ADGRV1: variants seen among roughly 807,000 people sequenced by gnomAD.
ADGRV1 encodes the protein G-protein coupled receptor 98.
In ADGRV1, 359 loss-of-function variants were observed where a neutral mutation model predicts 596.2. That is an observed-to-expected ratio of 0.60 (90% confidence interval 0.55 to 0.66). The LOEUF (loss-of-function observed/expected upper bound fraction) is 0.66. Ranked by LOEUF, ADGRV1 falls within the 30% of genes least tolerant of loss-of-function variation. The pLI is 0.00. For missense variants in ADGRV1, 7,274 were observed against 7,575.6 expected, an observed-to-expected ratio of 0.96 and a Z score of 1.48; for synonymous variants, 2,681 against 2,679.2, an observed-to-expected ratio of 1.00 and a Z score of -0.02.
In ADGRV1 at chr5:90,788,136, A is replaced by G; in HGVS notation, c.13719A>G (p.Ala4573=). 1 of 1,613,668 alleles carries G rather than the reference A, an allele frequency of 6.2e-7. No individual in the cohort carries two copies. The highest frequency in any genetic ancestry group is 8.5e-7 in the Non-Finnish European group (1 of 1,179,586). Residue 4573 remains alanine, a synonymous_variant, in exon 68 of 90, where the codon GCA becomes GCG. Transcript: ENST00000405460. The part of the protein sequence containing the change: ...EALLPQNRDI[A]DPVSGLFYFG... ...TACTGCCACAGAATAGAGACATTGC[A>G]GACCCAGTGAGCGGGTTGTTCTATT...
chr5:91,156,989 G>T (rs1405175815), intron 89 of ADGRV1, among the ~76,000 whole-genome samples: 1 of 152,224 alleles, frequency 6.6e-6, no homozygotes, highest in Non-Finnish European at 1.5e-5. Flanking sequence ...TCTAGCAACA[G>T]AGTCTTTGAA....
rs754212336 is a variant in ADGRV1, at chr5:90,965,424, C to T, written c.17866C>T (p.Leu5956=). 6.2e-7 allele frequency: 1 copy of T among 1,606,362 alleles called. No individual in the cohort carries two copies. Among genetic ancestry groups the T allele is most frequent in the South Asian group, 1.1e-5 (1 of 90,898 alleles). Residue 5956 remains leucine (L), a synonymous_variant, in exon 84 of 90, where the codon CTG becomes TTG. Transcript: ENST00000405460. The stretch of plus-strand genomic sequence containing the variant: ...TATCTGTTTCTTACAGATTCTGTTT[C>T]TGGCGTCTGCATACGCAAGTCCCCA... ...AASLGTQILF[L]ASAYASPQLA...
At chr5:91,039,841 A>G (rs553673916) in intron 85 of ADGRV1, among the ~76,000 whole-genome samples, 3 of 152,206 alleles carry the variant, frequency 2.0e-5, no homozygotes, top group Non-Finnish European at 2.9e-5. Flanking sequence ...TTTGAAAACA[A>G]AGATGTACAA....
At chr5:91,084,574 A>G (rs1242877023) in intron 86 of ADGRV1, among the ~76,000 whole-genome samples, 1 of 152,180 alleles carries the variant, frequency 6.6e-6, no homozygotes, top group Non-Finnish European at 1.5e-5. Flanking sequence ...AAAAGTCAGG[A>G]AAGAACAGGT....
At chr5:90,821,236 G>A (rs1339929698) in intron 75 of ADGRV1, among the ~76,000 whole-genome samples, 16 of 149,956 alleles carry the variant, frequency 1.1e-4, no homozygotes, top group East Asian at 9.8e-4. Flanking sequence ...CATTCTTCAC[G>A]TAGTTCTCGA....
chr5:91,029,089 A>G (rs1284814931), intron 85 of ADGRV1, among the ~76,000 whole-genome samples: 1 of 152,184 alleles, frequency 6.6e-6, no homozygotes, highest in Non-Finnish European at 1.5e-5. Context: ...TATCAAATGT[A>G]CAATTCCACT....
At chr5:90,663,726 A>T (rs920017145) in intron 21 of ADGRV1, among the ~76,000 whole-genome samples, 26 of 152,052 alleles carry the variant, frequency 1.7e-4, no homozygotes, top group Non-Finnish European at 2.9e-4. Context: ...GGTTTTCTTC[A>T]AGGGTTTTTA....
chr5:90,728,278 A>C (rs1752061480), intron 48 of ADGRV1, among the ~76,000 whole-genome samples: 1 of 152,208 alleles, frequency 6.6e-6, no homozygotes, highest in Admixed American at 6.5e-5. Context: ...GCAATTGATA[A>C]TAATATTGCA....
intron 85 of ADGRV1, among the ~76,000 whole-genome samples, chr5:91,053,359 G>A (rs1182880525): frequency 6.6e-6 from 1 of 152,056 alleles, no homozygotes; most frequent in African/African-American, 2.4e-5. Context: ...TTAATTCTAT[G>A]TGTTTATTAA....
chr5:90,986,983 A>G (rs1325137566), intron 85 of ADGRV1, among the ~76,000 whole-genome samples: 1 of 152,198 alleles, frequency 6.6e-6, no homozygotes, highest in Non-Finnish European at 1.5e-5. Flanking sequence ...CAATGAATGT[A>G]ATATTAATTA....
At chr5:90,905,954 T>C (rs1772284876) in intron 83 of ADGRV1, among the ~76,000 whole-genome samples, 1 of 152,168 alleles carries the variant, frequency 6.6e-6, no homozygotes, top group South Asian at 2.1e-4. Flanking sequence ...TGTTGATTTT[T>C]ATCAAGTGAT....
chr5:90,605,067 G>T (rs1761909485), intron 1 of ADGRV1, among the ~76,000 whole-genome samples: 1 of 152,134 alleles, frequency 6.6e-6, no homozygotes, highest in African/African-American at 2.4e-5. Context: ...ATGCAAACGG[G>T]AGTACATGAG....
chr5:90,681,931 A>G (rs1745002302), intron 27 of ADGRV1, among the ~76,000 whole-genome samples: 1 of 149,918 alleles, frequency 6.7e-6, no homozygotes, highest in African/African-American at 2.5e-5. Flanking sequence ...CAATGGCGTG[A>G]TCTCAGCTCA....
intron 85 of ADGRV1, among the ~76,000 whole-genome samples, chr5:91,060,682 T>C (rs1021538805): frequency 5.3e-5 from 8 of 152,194 alleles, no homozygotes; most frequent in African/African-American, 1.9e-4. Flanking sequence ...TTATTTAGGA[T>C]CACCAGTTAT....
intron 13 of ADGRV1, 111 bp from the exon 14 acceptor site, chr5:90,643,691 GT>G: frequency 1.3e-6 from 1 of 776,154 alleles, no homozygotes; most frequent in Non-Finnish European, 2.0e-6. Flanking sequence ...CTTTCAGTGA[GT>G]TATATGCTTC....
At chr5:90,967,533 A>C (rs1041712154) in intron 84 of ADGRV1, among the ~76,000 whole-genome samples, 2 of 152,126 alleles carry the variant, frequency 1.3e-5, no homozygotes, top group East Asian at 3.8e-4. Context: ...TTATGTTGTT[A>C]TCTGTCTGCC....
chr5:90,744,413 G>A (rs1754372520), intron 50 of ADGRV1, among the ~76,000 whole-genome samples: 1 of 152,050 alleles, frequency 6.6e-6, no homozygotes, highest in South Asian at 2.1e-4. Flanking sequence ...ATCAAGTGAA[G>A]ATAATTAACA....
intron 1 of ADGRV1, among the ~76,000 whole-genome samples, chr5:90,580,640 G>T (rs766302644): frequency 3.0e-4 from 45 of 152,126 alleles, no homozygotes; most frequent in Non-Finnish European, 6.0e-4. Context: ...GGTTTCTGCC[G>T]AGAGATCCGC....
chr5:90,999,308 A>G (rs563809218), intron 85 of ADGRV1, among the ~76,000 whole-genome samples: 13 of 152,092 alleles, frequency 8.5e-5, no homozygotes, highest in East Asian at 1.9e-4. Flanking sequence ...TGCTAATTCA[A>G]TTTTCCATCT....
Sources: gnomAD v4.1 joint callset for allele counts (sites outside exome capture counted in the v4.1 genomes callset) on GRCh38, gnomAD v4.1.1 for gene constraint, MANE v1.5 for transcripts, NCBI Gene and HGNC (gene_info 2026-07-23, HGNC 2026-07-21) for gene names.